The following ALK variants were observed in gnomAD, a reference collection of about 807,000 sequenced individuals.
ALK encodes the protein ALK receptor tyrosine kinase, also known as ALK tyrosine kinase receptor.
In ALK, 74 loss-of-function variants were observed where a neutral mutation model predicts 163.1. That is an observed-to-expected ratio of 0.45 (90% CI 0.38 to 0.55). The LOEUF (loss-of-function observed/expected upper bound fraction) is 0.55, where lower values mean the gene tolerates loss of function less well. Ranked by LOEUF, ALK falls within the 20% of genes least tolerant of loss-of-function variation. The pLI, the probability that ALK is intolerant of heterozygous loss-of-function variation, is 0.00. For synonymous variants in ALK, 960 were observed against 843.2 expected (o/e 1.14, Z -2.40); for missense variants, 2,063 against 2,105.3 (o/e 0.98, Z 0.39).
At chr2:29,197,282 G>T (rs139848273) in intron 27 of ALK, among the ~76,000 whole-genome samples, 4 of 152,168 alleles carry the variant, frequency 2.6e-5, no homozygotes, top group African/African-American at 9.7e-5. Context: ...CCCAGCAGGA[G>T]CTTGGGGAAT....
At chr2:29,266,283 A>C (rs1323149626) in intron 11 of ALK, among the ~76,000 whole-genome samples, 1 of 152,202 alleles carries the variant, frequency 6.6e-6, no homozygotes, top group African/African-American at 2.4e-5. Flanking sequence ...ACTGAATGAG[A>C]GGACACAAAA....
At chr2:29,650,159 C>A (rs111375142) in intron 3 of ALK, among the ~76,000 whole-genome samples, 1,731 of 152,136 alleles carry the variant, frequency 0.011, 25 homozygotes, top group Middle Eastern at 0.034. Context: ...TGGTTATATA[C>A]AAAATAGATT....
At position 29,201,335 on chromosome 2, in the gene ALK, A is replaced by G. The variant is rs147924209; in HGVS notation, c.3939-3659T>C. Among the ~76,000 whole-genome samples the G allele has an allele frequency of 3.2e-3, 494 of 152,266 alleles. 2 individuals are homozygous for G. The highest frequency in any genetic ancestry group is 0.011 in the African/African-American group (470 of 41,548). On this transcript the variant is annotated intron_variant, in intron 26 of 28. Coordinates refer to ENST00000389048, the MANE Select transcript of ALK (RefSeq NM_004304.5). The stretch of plus-strand genomic sequence containing the variant: ...ACATGCCCAAACGGAACTCCTTCTG[A>G]ACCCACACCATCTCCTCTTTCATTC...
chr2:29,368,520 G>T (rs1668566314), intron 5 of ALK, among the ~76,000 whole-genome samples: 1 of 152,158 alleles, frequency 6.6e-6, no homozygotes, highest in Admixed American at 6.6e-5. Context: ...TCCTGCCTTG[G>T]TTCTAGAAGT....
At chr2:29,332,389 T>C (rs939325990) in intron 5 of ALK, among the ~76,000 whole-genome samples, 16 of 150,418 alleles carry the variant, frequency 1.1e-4, no homozygotes, top group African/African-American at 3.4e-4. Context: ...CCACACCTTA[T>C]GTCCCAATGG....
At chr2:29,896,727 T>C (rs1489020515) in intron 1 of ALK, among the ~76,000 whole-genome samples, 1 of 152,178 alleles carries the variant, frequency 6.6e-6, no homozygotes, top group African/African-American at 2.4e-5. Context: ...CATGATCCCA[T>C]TGGACAATAA....
intron 5 of ALK, among the ~76,000 whole-genome samples, chr2:29,358,545 G>C (rs1374821520): frequency 6.6e-6 from 1 of 152,216 alleles, no homozygotes; most frequent in East Asian, 1.9e-4. Flanking sequence ...GAAGCAGACT[G>C]ATTGACAGCA....
In ALK at chr2:29,757,366, A is replaced by C. The variant is rs142095787; in HGVS notation, c.668-39669T>G. ...GCAGTTGACAAAGCCGAGGCATGGA[A>C]AGGTTAACCACTCACCCAGTTATAT... On this transcript the variant is annotated intron_variant, in intron 1 of 28. Transcript: ENST00000389048. Among the ~76,000 whole-genome samples, 205 of 152,274 alleles carry C rather than the reference A, an allele frequency of 1.3e-3. 1 individual carries two copies. The highest frequency in any genetic ancestry group is 4.5e-3 in the African/African-American group (188 of 41,544).
At chr2:29,846,960 C>T (rs1281016183) in intron 1 of ALK, among the ~76,000 whole-genome samples, 1 of 152,166 alleles carries the variant, frequency 6.6e-6, no homozygotes, top group African/African-American at 2.4e-5. Context: ...TCTTGCTGAG[C>T]TATAGAATTT....
At chr2:29,512,301 G>A (rs1672544288) in intron 4 of ALK, among the ~76,000 whole-genome samples, 2 of 150,830 alleles carry the variant, frequency 1.3e-5, no homozygotes, top group Admixed American at 1.3e-4. Flanking sequence ...TATCCACCAT[G>A]ATCAAGTGGG....
intron 1 of ALK, among the ~76,000 whole-genome samples, chr2:29,884,544 T>C (rs549043100): frequency 6.6e-6 from 1 of 152,246 alleles, no homozygotes; most frequent in East Asian, 1.9e-4. Flanking sequence ...TACGTTTTTA[T>C]GTCAGATTGA....
intron 1 of ALK, among the ~76,000 whole-genome samples, chr2:29,773,224 C>T (rs1011831760): frequency 2.1e-5 from 3 of 141,152 alleles, no homozygotes; most frequent in Non-Finnish European, 3.0e-5. Flanking sequence ...GTAAAATACA[C>T]AGTAAATGTA....
chr2:29,202,733 T>C (rs1406258717), intron 26 of ALK, among the ~76,000 whole-genome samples: 1 of 152,282 alleles, frequency 6.6e-6, no homozygotes, highest in Non-Finnish European at 1.5e-5. Context: ...TCTTTTATAC[T>C]GCGGAATAGT....
At chr2:29,829,136 A>C (rs1203410375) in intron 1 of ALK, among the ~76,000 whole-genome samples, 1 of 123,118 alleles carries the variant, frequency 8.1e-6, no homozygotes, top group African/African-American at 3.1e-5. Context: ...GGACACAGGA[A>C]GGGGAACATC....
At chr2:29,592,355 A>C (rs941260796) in intron 3 of ALK, among the ~76,000 whole-genome samples, 2 of 152,140 alleles carry the variant, frequency 1.3e-5, no homozygotes, top group African/African-American at 4.8e-5. Flanking sequence ...TGCTTCTCTC[A>C]GATCAGGCCT....
chr2:29,853,045 G>A (rs1666045133), intron 1 of ALK, among the ~76,000 whole-genome samples: 1 of 152,096 alleles, frequency 6.6e-6, no homozygotes, highest in Non-Finnish European at 1.5e-5. Context: ...TTTTGTTATA[G>A]CAACCCAAAA....
chr2:29,806,877 C>A (rs560059912), intron 1 of ALK, among the ~76,000 whole-genome samples: 1 of 152,126 alleles, frequency 6.6e-6, no homozygotes, highest in Admixed American at 6.5e-5. Flanking sequence ...GTAAGAGGAA[C>A]AAACAGGGTT....
chr2:29,584,650 C>T (rs151117594), intron 3 of ALK, among the ~76,000 whole-genome samples: 1 of 152,352 alleles, frequency 6.6e-6, no homozygotes, highest in East Asian at 1.9e-4. Flanking sequence ...CCAGGACCTG[C>T]AGAACTCCTT....
At chr2:29,392,849 C>T (rs1669209691) in intron 4 of ALK, among the ~76,000 whole-genome samples, 2 of 152,186 alleles carry the variant, frequency 1.3e-5, no homozygotes, top group Non-Finnish European at 2.9e-5. Context: ...ACCCTGTGCC[C>T]TCTGAATGTT....
Sources: allele counts gnomAD v4.1 joint callset (sites outside exome capture counted in the v4.1 genomes callset), GRCh38; gene constraint gnomAD v4.1.1; transcripts MANE v1.5; gene names NCBI Gene and HGNC (gene_info 2026-07-23, HGNC 2026-07-21).